VPS13B: variants seen among roughly 807,000 people sequenced by gnomAD.
VPS13B encodes intermembrane lipid transfer protein VPS13B.
In VPS13B, 285 loss-of-function variants were observed where a neutral mutation model predicts 426.4. That is an observed-to-expected ratio of 0.67 (90% CI 0.61 to 0.74). The LOEUF (loss-of-function observed/expected upper bound fraction) is 0.74. Among genes scored for constraint, VPS13B ranks in the 30% least tolerant of loss-of-function variants. The pLI is 0.00. For synonymous variants in VPS13B, 1,676 were observed against 1,676.4 expected, an observed-to-expected ratio of 1.00 and a Z score of 0.01; for missense variants, 4,537 against 4,782.6, an observed-to-expected ratio of 0.95 and a Z score of 1.51.
At chr8:99,196,275 A>G (rs1813918484) in intron 17 of VPS13B, among the ~76,000 whole-genome samples, 1 of 151,886 alleles carries the variant, frequency 6.6e-6, no homozygotes, top group Non-Finnish European at 1.5e-5. Flanking sequence ...TCCTTGGTTA[A>G]CTTTATATCC....
chr8:99,250,100 G>A (rs1817426571), intron 17 of VPS13B, among the ~76,000 whole-genome samples: 1 of 152,002 alleles, frequency 6.6e-6, no homozygotes, highest in Admixed American at 6.6e-5. Flanking sequence ...ATTATAATTT[G>A]CATTTCTCTG....
intron 21 of VPS13B, among the ~76,000 whole-genome samples, chr8:99,418,480 T>C (rs576950182): frequency 2.7e-5 from 4 of 147,684 alleles, no homozygotes; most frequent in African/African-American, 7.6e-5. Context: ...TCTTTCTTTC[T>C]TTCTTTCTTT....
chr8:99,200,102 G>T (rs1814215123), intron 17 of VPS13B, among the ~76,000 whole-genome samples: 1 of 152,092 alleles, frequency 6.6e-6, no homozygotes, highest in African/African-American at 2.4e-5. Context: ...TGTCTGTATG[G>T]ATGTGCCTAT....
intron 35 of VPS13B, among the ~76,000 whole-genome samples, chr8:99,685,814 A>G (rs887135091): frequency 2.0e-5 from 3 of 152,194 alleles, no homozygotes; most frequent in African/African-American, 7.2e-5. Context: ...GTCTGAAAGA[A>G]AGGTCACATA....
chr8:99,394,316 C>A (rs891849690), intron 21 of VPS13B, among the ~76,000 whole-genome samples: 1 of 152,112 alleles, frequency 6.6e-6, no homozygotes, highest in Non-Finnish European at 1.5e-5. Flanking sequence ...CACATGAATA[C>A]AAAGACCTGC....
At chr8:99,314,138 T>G (rs528730782) in intron 19 of VPS13B, among the ~76,000 whole-genome samples, 10 of 152,292 alleles carry the variant, frequency 6.6e-5, no homozygotes, top group African/African-American at 1.9e-4. Flanking sequence ...TGCCTTGCCC[T>G]GCTTTGGCTC....
At chr8:99,298,132 A>G (rs1820142975) in intron 19 of VPS13B, among the ~76,000 whole-genome samples, 1 of 152,214 alleles carries the variant, frequency 6.6e-6, no homozygotes, top group African/African-American at 2.4e-5. Context: ...TACAAATTTT[A>G]TGATGCAGTG....
chr8:99,248,660 T>C lies in VPS13B; in HGVS notation c.2516-25538T>C, dbSNP rs567148947. 2.0e-5 allele frequency among the ~76,000 whole-genome samples: 3 copies of C among 152,362 alleles called. No individual in the cohort carries two copies. The South Asian group carries it at 6.2e-4, about 32-fold the overall frequency. ...AGTAACCTGCTTATTGTTTAAACAC[T>C]GAACATTCTCTTATGAGTGAATTTT... On this transcript the variant is annotated intron_variant, in intron 17 of 61. Coordinates refer to ENST00000357162, the MANE Select transcript of VPS13B (RefSeq NM_152564.5).
chr8:99,869,668 T>C (rs1464909298), intron 59 of VPS13B, among the ~76,000 whole-genome samples: 3 of 152,292 alleles, frequency 2.0e-5, no homozygotes, highest in East Asian at 3.9e-4. Context: ...TCATAAATTC[T>C]TTTGGTTTTG....
intron 19 of VPS13B, among the ~76,000 whole-genome samples, chr8:99,333,032 T>G (rs1388608480): frequency 6.6e-6 from 1 of 151,772 alleles, no homozygotes; most frequent in Non-Finnish European, 1.5e-5. Context: ...TTCAGACATG[T>G]AAGTATCAGA....
intron 3 of VPS13B, among the ~76,000 whole-genome samples, chr8:99,073,699 CTTTTT>C (rs71273160): frequency 2.4e-5 from 2 of 83,568 alleles, no homozygotes; most frequent in Non-Finnish European, 4.8e-5. Flanking sequence ...ATTTTCTTTC[CTTTTT>C]TTTTTTTTTT....
At chr8:99,690,314 C>T (rs184304372) in intron 35 of VPS13B, among the ~76,000 whole-genome samples, 20 of 152,198 alleles carry the variant, frequency 1.3e-4, no homozygotes, top group African/African-American at 2.2e-4. Context: ...CAGGAAAGAT[C>T]GTAGACTTAC....
At chr8:99,271,243 TA>T (rs1446440947) in intron 17 of VPS13B, among the ~76,000 whole-genome samples, 199 of 145,202 alleles carry the variant, frequency 1.4e-3, no homozygotes, top group African/African-American at 4.9e-3. Context: ...CTACTACTAC[TA>T]CTACGATGAT....
chr8:99,514,152 C>T (rs1246645181), intron 29 of VPS13B, among the ~76,000 whole-genome samples: 5 of 152,194 alleles, frequency 3.3e-5, no homozygotes, highest in South Asian at 4.1e-4. Context: ...TGTCAGTGTT[C>T]GTCATAGCCC....
chr8:99,706,807 A>G (rs1474281812), intron 36 of VPS13B, among the ~76,000 whole-genome samples: 1 of 152,154 alleles, frequency 6.6e-6, no homozygotes, highest in Non-Finnish European at 1.5e-5. Context: ...AAAATGGACA[A>G]GCACTGTAGC....
Position 99,511,514 on chromosome 8 carries a change from T to C in VPS13B, c.4633+2T>C. The C allele has an allele frequency of 6.2e-7, 1 of 1,610,132 alleles. No homozygotes were observed. The highest frequency in any genetic ancestry group is 2.2e-5 in the East Asian group (1 of 44,822). ...AAGAAATGCAGCCAACTGTTGAAGG[T>C]ATTGTCTTCTGATTTTTTTTGTCTG... On this transcript the variant is annotated splice_donor_variant, in intron 29 of 61. Coordinates refer to ENST00000357162, the MANE Select transcript of VPS13B (RefSeq NM_152564.5). LOFTEE classifies it high-confidence loss of function.
intron 35 of VPS13B, among the ~76,000 whole-genome samples, chr8:99,695,698 TAAAA>T (rs1202493759): frequency 3.3e-5 from 2 of 60,490 alleles, no homozygotes; most frequent in South Asian, 5.7e-4. Context: ...TAAAGTATAA[TAAAA>T]AAAAAAAAAA....
At chr8:99,114,024 C>T (rs939208011) in intron 6 of VPS13B, among the ~76,000 whole-genome samples, 1 of 152,048 alleles carries the variant, frequency 6.6e-6, no homozygotes, top group Admixed American at 6.6e-5. Flanking sequence ...ATTTATTTAA[C>T]ATTTCTCCTG....
intron 17 of VPS13B, among the ~76,000 whole-genome samples, chr8:99,258,041 C>A (rs1482858926): frequency 6.7e-6 from 1 of 149,650 alleles, no homozygotes. Context: ...ATATCAATGC[C>A]ATGTGTTTTT....
Sources: gnomAD v4.1 joint callset for allele counts (sites outside exome capture counted in the v4.1 genomes callset) on GRCh38, gnomAD v4.1.1 for gene constraint, MANE v1.5 for transcripts, NCBI Gene and HGNC (gene_info 2026-07-23, HGNC 2026-07-21) for gene names.